Variants in GRIK3 observed in about 807,000 individuals in gnomAD.
GRIK3 encodes the protein glutamate ionotropic receptor kainate type subunit 3.
A neutral mutation model predicts 102.5 loss-of-function variants in GRIK3; 29 were observed. The ratio of observed to expected loss-of-function variants is 0.28; its 90% CI spans 0.21 to 0.39. GRIK3 has a LOEUF of 0.39. Ranked by LOEUF, GRIK3 falls within the 10% of genes least tolerant of loss-of-function variation. The pLI, the probability that GRIK3 is intolerant of heterozygous loss-of-function variation, is 1.00. For missense variants in GRIK3, 908 were observed against 1,252.4 expected, an observed-to-expected ratio of 0.73 and a Z score of 4.15; for synonymous variants, 511 against 504.9, an observed-to-expected ratio of 1.01 and a Z score of -0.16.
In GRIK3 at chr1:36,819,162, G is replaced by T. The variant is rs1642669039; in HGVS notation, c.1873+574C>A. ...ACCTCATCTTTGAAGCACTCGGGCTGAAGTCCCCAACTCAGCCATGATCCT... is the reference window on the plus strand; with the variant it reads ...ACCTCATCTTTGAAGCACTCGGGCTTAAGTCCCCAACTCAGCCATGATCCT... On this transcript the variant is annotated intron_variant, in intron 12 of 15. Coordinates refer to ENST00000373091, the MANE Select transcript of GRIK3 (RefSeq NM_000831.4). The surrounding 1 kb of genome is among the most constrained non-coding windows in gnomAD (Gnocchi z 4.1). Among the ~76,000 whole-genome samples, 1 of 152,216 alleles carries T rather than the reference G, an allele frequency of 6.6e-6. No individual in the cohort carries two copies. The highest frequency in any genetic ancestry group is 2.4e-5 in the African/African-American group (1 of 41,454).
chr1:36,983,950 C>T (rs189604467), intron 1 of GRIK3, among the ~76,000 whole-genome samples: 7 of 152,224 alleles, frequency 4.6e-5, no homozygotes, highest in Admixed American at 3.3e-4. Context: ...GTGGGGATGC[C>T]GCCCATAGTA....
intron 1 of GRIK3, among the ~76,000 whole-genome samples, chr1:36,957,981 C>T (rs1641943606): frequency 1.2e-5 from 1 of 83,666 alleles, no homozygotes; most frequent in African/African-American, 5.9e-5. Context: ...CTGTGTGCCC[C>T]ATGACTCTGT....
At chr1:36,848,051 C>T (rs1209738415) in intron 9 of GRIK3, among the ~76,000 whole-genome samples, 1 of 152,188 alleles carries the variant, frequency 6.6e-6, no homozygotes, top group African/African-American at 2.4e-5. Flanking sequence ...CAAGAAGCTG[C>T]AAGTATTGAC....
At chr1:37,020,697 AT>A (rs1174854475) in intron 1 of GRIK3, among the ~76,000 whole-genome samples, 1 of 152,212 alleles carries the variant, frequency 6.6e-6, no homozygotes, top group Non-Finnish European at 1.5e-5. Context: ...GCGTTATTCT[AT>A]TTGAACAACA....
chr1:36,837,006 T>C (rs904901), intron 10 of GRIK3, among the ~76,000 whole-genome samples: 28,290 of 151,646 alleles, frequency 0.19, 3,071 homozygotes, highest in African/African-American at 0.3. Flanking sequence ...GTAGCCTCTC[T>C]TCCTTGGGCC....
chr1:36,888,764 C>T (rs1363657889), intron 2 of GRIK3, among the ~76,000 whole-genome samples: 1 of 152,104 alleles, frequency 6.6e-6, no homozygotes, highest in Non-Finnish European at 1.5e-5. Flanking sequence ...TCACTCTTTC[C>T]CACCATCCTT....
intron 1 of GRIK3, among the ~76,000 whole-genome samples, chr1:37,010,931 C>T (rs1415127434): frequency 2.0e-5 from 3 of 152,064 alleles, no homozygotes; most frequent in South Asian, 4.2e-4. Flanking sequence ...TTAGTAGAGA[C>T]GGGGTTTCAC....
rs550657116 is a variant in GRIK3 at position 36,860,726 on chromosome 1, G to C, written c.787-709C>G. 2.0e-5 allele frequency among the ~76,000 whole-genome samples: 3 copies of C among 152,336 alleles called. No individual in the cohort carries two copies. In the East Asian group the frequency reaches 5.8e-4, roughly 29 times the overall value. ...AGGAAGGAGGCAGAGAGGGGAAGCA[G>C]GTGGAGGGAGAAGCCAGGTGTCCCT... On this transcript the variant is annotated intron_variant, in intron 5 of 15. Coordinates refer to ENST00000373091, the MANE Select transcript of GRIK3 (RefSeq NM_000831.4).
At chr1:36,862,274 C>T (rs927042016) in intron 5 of GRIK3, among the ~76,000 whole-genome samples, 2 of 152,138 alleles carry the variant, frequency 1.3e-5, no homozygotes, top group African/African-American at 4.8e-5. Flanking sequence ...CATTTGCAGG[C>T]ATTACAAATC....
intron 14 of GRIK3, among the ~76,000 whole-genome samples, chr1:36,805,665 G>A (rs891752261): frequency 1.3e-5 from 2 of 152,128 alleles, no homozygotes; most frequent in Non-Finnish European, 2.9e-5. Context: ...GTCCAGGTGC[G>A]GTGGCTCATG....
intron 1 of GRIK3, among the ~76,000 whole-genome samples, chr1:36,916,242 T>C (rs1641399004): frequency 6.6e-6 from 1 of 152,170 alleles, no homozygotes; most frequent in African/African-American, 2.4e-5. Context: ...GGAAAAAGTT[T>C]CTAAGCTGCA....
chr1:36,992,354 G>A (rs756352860), intron 1 of GRIK3, among the ~76,000 whole-genome samples: 9 of 152,244 alleles, frequency 5.9e-5, no homozygotes, highest in South Asian at 4.2e-4. Context: ...GGTCATAGAC[G>A]CCCACCTTGG....
chr1:36,863,226 TTCCC>T (rs1160338269), intron 5 of GRIK3, among the ~76,000 whole-genome samples: 1 of 152,052 alleles, frequency 6.6e-6, no homozygotes, highest in Non-Finnish European at 1.5e-5. Flanking sequence ...GCCCTCCCTC[TTCCC>T]TATGATGACG....
At chr1:37,030,430 C>T (rs1231641073) in intron 1 of GRIK3, among the ~76,000 whole-genome samples, 1 of 152,110 alleles carries the variant, frequency 6.6e-6, no homozygotes, top group African/African-American at 2.4e-5. Flanking sequence ...CTGCTGTTGC[C>T]TGCTGGGCCC....
intron 10 of GRIK3, among the ~76,000 whole-genome samples, chr1:36,840,571 A>AT (rs1402179271): frequency 9.8e-6 from 1 of 101,768 alleles, no homozygotes; most frequent in Non-Finnish European, 2.1e-5. Context: ...AAAAAAAAAA[A>AT]AAAAAATTAG....
intron 1 of GRIK3, among the ~76,000 whole-genome samples, chr1:37,031,170 T>G (rs1642823666): frequency 6.6e-6 from 1 of 152,246 alleles, no homozygotes; most frequent in Non-Finnish European, 1.5e-5. Context: ...CTTGAAAACC[T>G]TCAATGCACA....
chr1:36,917,432 G>T (rs896443179), intron 1 of GRIK3, among the ~76,000 whole-genome samples: 1 of 152,148 alleles, frequency 6.6e-6, no homozygotes, highest in Non-Finnish European at 1.5e-5. Flanking sequence ...GATTTGGGAG[G>T]GGCCAGGGGT....
intron 12 of GRIK3, 129 bp from the exon 13 acceptor site, chr1:36,817,406 A>T (rs961019621): frequency 1.5e-6 from 1 of 658,830 alleles, no homozygotes; most frequent in Non-Finnish European, 2.7e-6. Flanking sequence ...AGTGGTTCTC[A>T]AAAGTGTGGT....
intron 1 of GRIK3, among the ~76,000 whole-genome samples, chr1:36,974,809 A>AAC (rs1030484094): frequency 1.3e-5 from 2 of 151,832 alleles, no homozygotes; most frequent in African/African-American, 4.8e-5. Flanking sequence ...CAAAAAAAAA[A>AAC]AAACAAAAAA....
Sources: allele counts gnomAD v4.1 joint callset (sites outside exome capture counted in the v4.1 genomes callset), GRCh38; gene constraint gnomAD v4.1.1; non-coding constraint Gnocchi (gnomAD v3.1); transcripts MANE v1.5; gene names NCBI Gene and HGNC (gene_info 2026-07-23, HGNC 2026-07-21).